FLT1: variants seen among roughly 807,000 people sequenced by gnomAD.
The protein encoded by FLT1 is vascular endothelial growth factor receptor 1.
Under a neutral mutation model 156.3 loss-of-function variants are expected in FLT1, and 49 were observed. The ratio of observed to expected loss-of-function variants is 0.31; its 90% CI spans 0.25 to 0.40. FLT1 has a LOEUF of 0.40. Among genes scored for constraint, FLT1 ranks in the 10% least tolerant of loss-of-function variants. FLT1 has a pLI of 1.00. For synonymous variants in FLT1, 594 were observed against 583.8 expected, an observed-to-expected ratio of 1.02 and a Z score of -0.25; for missense variants, 1,322 against 1,637.2, an observed-to-expected ratio of 0.81 and a Z score of 3.32.
chr13:28,406,493 C>G (rs2137494556), intron 10 of FLT1, among the ~76,000 whole-genome samples: 1 of 152,268 alleles, frequency 6.6e-6, no homozygotes, highest in African/African-American at 2.4e-5. Context: ...CATGAATTCT[C>G]TCTCTGTTTT....
At chr13:28,312,250 TA>T (rs1871036170) in intron 25 of FLT1, 152 bp from the exon 26 acceptor site, 3 of 679,310 alleles carry the variant, frequency 4.4e-6, no homozygotes, top group African/African-American at 1.8e-5. Context: ...TTTGGGTTTA[TA>T]GCACCAGCAC....
chr13:28,362,542 G>A (rs1873147525), intron 14 of FLT1, among the ~76,000 whole-genome samples: 1 of 152,098 alleles, frequency 6.6e-6, no homozygotes, highest in Non-Finnish European at 1.5e-5. Flanking sequence ...TCATGGGCTG[G>A]GCACAGTGGC....
At chr13:28,338,835 C>T (rs1593692075) in intron 17 of FLT1, among the ~76,000 whole-genome samples, 3 of 152,168 alleles carry the variant, frequency 2.0e-5, no homozygotes. Context: ...CCGCCCTTCA[C>T]TTACCACTTT....
chr13:28,333,927 G>T (rs530147753), intron 18 of FLT1, 98 bp downstream of exon 18: 76 of 841,630 alleles, frequency 9.0e-5, no homozygotes, highest in Non-Finnish European at 1.4e-4. Flanking sequence ...GAGCAGAAAA[G>T]CTTGTGTCTG....
At chr13:28,431,758 G>A (rs1381381156) in intron 6 of FLT1, among the ~76,000 whole-genome samples, 1 of 152,076 alleles carries the variant, frequency 6.6e-6, no homozygotes, top group Non-Finnish European at 1.5e-5. Context: ...GCACACAAAC[G>A]TGGACAATCA....
chr13:28,415,772 G>A (rs887397668), intron 10 of FLT1, among the ~76,000 whole-genome samples: 2 of 152,200 alleles, frequency 1.3e-5, no homozygotes, highest in African/African-American at 4.8e-5. Flanking sequence ...ATTCACCAAT[G>A]AGAGTAGATC....
chr13:28,476,697 A>G (rs1880568142), intron 1 of FLT1, among the ~76,000 whole-genome samples: 1 of 152,226 alleles, frequency 6.6e-6, no homozygotes, highest in Non-Finnish European at 1.5e-5. Context: ...AGAAAATTCA[A>G]AATAGTCACG....
At chr13:28,490,218 G>A (rs1205356646) in intron 1 of FLT1, among the ~76,000 whole-genome samples, 2 of 152,180 alleles carry the variant, frequency 1.3e-5, no homozygotes, top group African/African-American at 2.4e-5. Context: ...CAACGTGTGT[G>A]TGTATCTGTG....
intron 1 of FLT1, among the ~76,000 whole-genome samples, chr13:28,487,850 A>G (rs1170155100): frequency 1.3e-5 from 2 of 151,766 alleles, no homozygotes; most frequent in Non-Finnish European, 2.9e-5. Context: ...CCAAATCCAT[A>G]TTTTCCAAGA....
At position 28,441,656 on chromosome 13, in the gene FLT1, A is replaced by C. The variant is rs577930725; in HGVS notation, c.389-3311T>G. Among the ~76,000 whole-genome samples the C allele has an allele frequency of 7.2e-5, 11 of 152,318 alleles. No individual in the cohort carries two copies. The South Asian group carries it at 2.3e-3, about 32-fold the overall frequency. On this transcript the variant is annotated intron_variant, in intron 3 of 29. Coordinates refer to ENST00000282397, the MANE Select transcript of FLT1 (RefSeq NM_002019.4). Reference sequence around the variant, plus strand: ...TTGGAAACAAACATACTAAAATTTTAAGAGCCAGGTGCAGTGGCTCACACC... The same window carrying C: ...TTGGAAACAAACATACTAAAATTTTCAGAGCCAGGTGCAGTGGCTCACACC...
At chr13:28,381,202 A>T (rs1593726142) in intron 14 of FLT1, among the ~76,000 whole-genome samples, 1 of 152,320 alleles carries the variant, frequency 6.6e-6, no homozygotes, top group East Asian at 1.9e-4. Flanking sequence ...ATCACTCAAC[A>T]TCCTACACTA....
chr13:28,442,956 G>T (rs756808227), intron 3 of FLT1, among the ~76,000 whole-genome samples: 26 of 152,124 alleles, frequency 1.7e-4, no homozygotes, highest in Non-Finnish European at 2.5e-4. Flanking sequence ...AATTAAAAAT[G>T]ACTTCCAATC....
At chr13:28,311,931 A>T in intron 26 of FLT1, 62 bp downstream of exon 26, 1 of 1,247,484 alleles carries the variant, frequency 8.0e-7, no homozygotes, top group East Asian at 2.3e-5. Context: ...AAAAAAAAAC[A>T]AATAAAATGC....
In FLT1 at chr13:28,306,763, C is replaced by T. The variant is rs1347233032; in HGVS notation, c.3730G>A (p.Gly1244Ser). The change falls in exon 29 of 30, where the codon GGC (glycine) becomes AGC (serine). Residue 1244 changes from glycine to serine, a missense_variant. By Grantham distance (56) the Gly-to-Ser change is moderately conservative. Transcript: ENST00000282397. The part of the protein sequence containing the change: ...NATSMFDDYQ[G>S]DSSTLLASPM... ...GAGGCCAACAGAGTGCTGCTGTCGCCCTGGTAGTCCTAGGGGGAGAAGGAG... is the reference window on the plus strand; with the variant it reads ...GAGGCCAACAGAGTGCTGCTGTCGCTCTGGTAGTCCTAGGGGGAGAAGGAG... 6.2e-7 allele frequency: 1 copy of T among 1,612,380 alleles called. No individual in the cohort carries two copies. Among genetic ancestry groups the T allele is most frequent in the Admixed American group, 1.7e-5 (1 of 60,008 alleles).
At chr13:28,449,151 T>C (rs118137198) in intron 3 of FLT1, among the ~76,000 whole-genome samples, 8,522 of 152,178 alleles carry the variant, frequency 0.056, 446 homozygotes, top group Admixed American at 0.17. Context: ...GGCATGGTGG[T>C]ACACACCTAT....
At chr13:28,348,916 CAA>C (rs5802478) in intron 15 of FLT1, among the ~76,000 whole-genome samples, 21 of 122,438 alleles carry the variant, frequency 1.7e-4, no homozygotes, top group Admixed American at 1.7e-4. Context: ...GACTCCGTCT[CAA>C]AAAAAAAAAA....
rs1279583788 is a variant in FLT1, at chr13:28,322,889, C to G, written c.2854G>C (p.Gly952Arg). ...KEKMEPGLEQ[G>R]KKPRLDSVTS... ...ACGCTATCTAGTCTTGGTTTCTTGC[C>G]TTGTTCCAGGCCTGGCTCCATTTTT... The change falls in exon 21 of 30, where the codon GGC (glycine) becomes CGC (arginine). Residue 952 changes from glycine (G) to arginine (R), a missense_variant. Transcript: ENST00000282397. This position sits in a 1 kb window ranked among gnomAD's most constrained non-coding sequence, Gnocchi z 4.3. The G allele has an allele frequency of 6.2e-7, 1 of 1,614,028 alleles. No individual in the cohort carries two copies. Among genetic ancestry groups the G allele is most frequent in the African/African-American group, 1.3e-5 (1 of 74,896 alleles).
intron 24 of FLT1, among the ~76,000 whole-genome samples, chr13:28,318,532 T>A (rs1871298502): frequency 1.3e-5 from 2 of 152,170 alleles, no homozygotes; most frequent in African/African-American, 4.8e-5. Context: ...TTTCTAGTGA[T>A]TACTGCTGGT....
In FLT1 at chr13:28,466,904, A is replaced by G. The variant is rs961177356; in HGVS notation, c.387T>C (p.Ser129=). The G allele has an allele frequency of 6.3e-7, 1 of 1,587,210 alleles. No homozygotes were observed. The highest frequency in any genetic ancestry group is 8.7e-7 in the Non-Finnish European group (1 of 1,155,454). Residue 129 remains serine, a splice_region_variant and synonymous_variant, in exon 3 of 30, where the codon AGT becomes AGC. Transcript: ENST00000282397. The part of the protein sequence containing the change: ...ETESAIYIFI[S]DTGRPFVEMY... ...GAATGTAGAAAATGGAAGTCTTACCACTAATAAATATATAGATTGCAGATT... is the reference window on the plus strand; with the variant it reads ...GAATGTAGAAAATGGAAGTCTTACCGCTAATAAATATATAGATTGCAGATT...
Sources: allele counts gnomAD v4.1 joint callset (sites outside exome capture counted in the v4.1 genomes callset), GRCh38; gene constraint gnomAD v4.1.1; non-coding constraint Gnocchi (gnomAD v3.1); transcripts MANE v1.5; gene names NCBI Gene and HGNC (gene_info 2026-07-23, HGNC 2026-07-21).